WWOX: variants seen among roughly 807,000 people sequenced by gnomAD.
WWOX encodes WW domain containing oxidoreductase.
A neutral mutation model predicts 46.2 loss-of-function variants in WWOX; 69 were observed. That is an observed-to-expected ratio of 1.49 (90% confidence interval 1.23 to 1.82). WWOX has a LOEUF of 1.82. Ranked by LOEUF, WWOX falls within the 40% of genes most tolerant of loss-of-function variation. The probability of loss-of-function intolerance (pLI) is 0.00; values close to 1 mark genes in which losing one functional copy is unlikely to be tolerated. For missense variants in WWOX, 919 were observed against 542.6 expected, an observed-to-expected ratio of 1.69 and a Z score of -6.89; for synonymous variants, 359 against 202.6, an observed-to-expected ratio of 1.77 and a Z score of -6.56.
Position 78,343,370 on chromosome 16 carries a change from A to AT in WWOX, c.517-43485dup, listed in dbSNP as rs566250896. ...TTAAACGGTCAGTGCACAGGTCCTC[A>AT]TTTTTCTCATGCTTCCATTTCCATA... On this transcript the variant is annotated intron_variant, in intron 5 of 8. Transcript: ENST00000566780. 9.1e-5 allele frequency among the ~76,000 whole-genome samples: 11 copies of AT among 120,312 alleles called. 2 individuals carry two copies. In the South Asian group the frequency reaches 2.8e-3, roughly 30 times the overall value. 78.9% of individuals were successfully genotyped at this position (120,312 alleles called of 152,430 possible).
chr16:78,562,346 A>C (rs985385543), intron 8 of WWOX, among the ~76,000 whole-genome samples: 5 of 152,190 alleles, frequency 3.3e-5, no homozygotes, highest in Non-Finnish European at 5.9e-5. Context: ...TGAATTCCGC[A>C]GTGTTGTGTG....
chr16:78,728,866 A>T (rs2048896522), intron 8 of WWOX, among the ~76,000 whole-genome samples: 1 of 152,186 alleles, frequency 6.6e-6, no homozygotes, highest in African/African-American at 2.4e-5. Context: ...CCTCCTTGTT[A>T]CATGGAGGTC....
intron 5 of WWOX, among the ~76,000 whole-genome samples, chr16:78,382,972 T>G (rs1279858241): frequency 4.6e-5 from 7 of 151,640 alleles, no homozygotes; most frequent in Non-Finnish European, 1.0e-4. Flanking sequence ...CTTCCAATCA[T>G]GGCGAAGAGG....
rs762256792 is a variant in WWOX, at chr16:79,211,584, TTGTC to T, written c.1057-22_1057-19del. ...TCACTCCTTTTCTTAAAATTTTTTT[TTGTC>T]TTTCTTCTTGGATTTCCAGCAACAG... On this transcript the variant is annotated intron_variant, in intron 8 of 8. Coordinates refer to ENST00000566780, the MANE Select transcript of WWOX (RefSeq NM_016373.4). The T allele has an allele frequency of 1.2e-6, 2 of 1,613,974 alleles. No homozygotes were observed. The highest frequency in any genetic ancestry group is 2.2e-5 in the South Asian group (2 of 91,066).
intron 8 of WWOX, among the ~76,000 whole-genome samples, chr16:78,543,504 A>G (rs545543824): frequency 2.0e-5 from 3 of 152,208 alleles, no homozygotes; most frequent in Non-Finnish European, 4.4e-5. Flanking sequence ...GCTTCCACCC[A>G]TGCACCTTAC....
intron 5 of WWOX, among the ~76,000 whole-genome samples, chr16:78,368,235 AC>A (rs996887865): frequency 6.6e-6 from 1 of 152,216 alleles, no homozygotes; most frequent in African/African-American, 2.4e-5. Context: ...CCTTCAATTA[AC>A]ATGAGTGGAA....
rs144016504 is a variant in WWOX at position 78,745,222 on chromosome 16, T to A, written c.1056+312470T>A. Among the ~76,000 whole-genome samples the A allele has an allele frequency of 2.6e-5, 4 of 152,328 alleles. No homozygotes were observed. In the East Asian group the frequency reaches 7.7e-4, roughly 29 times the overall value. ...AGAACTCAGTATTAAGGCACTTGAT[T>A]AGTTCTTCCTGTTGGTGGACTGATT... is the stretch of plus-strand genomic sequence containing the variant. On this transcript the variant is annotated intron_variant, in intron 8 of 8. Coordinates refer to ENST00000566780, the MANE Select transcript of WWOX (RefSeq NM_016373.4).
At chr16:78,933,358 G>C (rs996278369) in intron 8 of WWOX, among the ~76,000 whole-genome samples, 1 of 152,166 alleles carries the variant, frequency 6.6e-6, no homozygotes, top group Admixed American at 6.5e-5. Flanking sequence ...AGAACTGCTC[G>C]AACCCAGGAG....
intron 8 of WWOX, among the ~76,000 whole-genome samples, chr16:78,544,220 C>A (rs1042432937): frequency 1.3e-5 from 2 of 152,206 alleles, no homozygotes; most frequent in African/African-American, 4.8e-5. Flanking sequence ...AGAACTGACA[C>A]TAATATTCTC....
intron 4 of WWOX, chr16:78,124,263 C>T (rs2033258990): frequency 6.6e-6 from 1 of 151,898 alleles, no homozygotes; most frequent in African/African-American, 2.4e-5. Context: ...GCTATTTCAC[C>T]AGAGTAAAGA....
intron 8 of WWOX, among the ~76,000 whole-genome samples, chr16:79,127,737 T>TA (rs2049789568): frequency 6.6e-6 from 1 of 151,116 alleles, no homozygotes; most frequent in African/African-American, 2.4e-5. Flanking sequence ...CTAAGCAACA[T>TA]ACGACAGTTA....
At chr16:78,430,579 C>T (rs2083193250) in intron 7 of WWOX, among the ~76,000 whole-genome samples, 1 of 152,134 alleles carries the variant, frequency 6.6e-6, no homozygotes, top group Admixed American at 6.5e-5. Flanking sequence ...GTCATCACGA[C>T]AACCAGAAGA....
intron 5 of WWOX, among the ~76,000 whole-genome samples, chr16:78,295,536 A>T (rs535505169): frequency 6.6e-6 from 1 of 152,240 alleles, no homozygotes; most frequent in Non-Finnish European, 1.5e-5. Flanking sequence ...ACATGGTGAA[A>T]CCCTGTCTCT....
Position 78,499,458 on chromosome 16 carries a change from C to G in WWOX, c.1056+66706C>G, listed in dbSNP as rs567604940. On this transcript the variant is annotated intron_variant, in intron 8 of 8. Transcript: ENST00000566780. Reference sequence around the variant, plus strand: ...TCACTTTTTACCATAGCTAACCTTTCTAAGTGGTCAGGTGGGACTCATGGA... The same window carrying G: ...TCACTTTTTACCATAGCTAACCTTTGTAAGTGGTCAGGTGGGACTCATGGA... Among the ~76,000 whole-genome samples the G allele has an allele frequency of 1.4e-4, 22 of 152,334 alleles. No individual in the cohort carries two copies. The East Asian group carries it at 4.3e-3, about 29-fold the overall frequency.
At chr16:78,122,599 C>A (rs1430939905) in intron 4 of WWOX, among the ~76,000 whole-genome samples, 1 of 150,906 alleles carries the variant, frequency 6.6e-6, no homozygotes, top group East Asian at 1.9e-4. Flanking sequence ...TGTTATTTTA[C>A]ATTTTTTTTC....
intron 5 of WWOX, among the ~76,000 whole-genome samples, chr16:78,361,304 C>G (rs139824204): frequency 4.6e-4 from 70 of 152,296 alleles, no homozygotes; most frequent in African/African-American, 1.5e-3. Flanking sequence ...GTTGATCTGT[C>G]TCATCCCTGG....
intron 8 of WWOX, among the ~76,000 whole-genome samples, chr16:78,541,834 T>C (rs944628433): frequency 1.3e-5 from 2 of 151,990 alleles, no homozygotes; most frequent in African/African-American, 4.8e-5. Context: ...TTTTTACTGT[T>C]TCTGGTTTTC....
chr16:78,565,746 C>G (rs1177377167), intron 8 of WWOX, among the ~76,000 whole-genome samples: 1 of 152,176 alleles, frequency 6.6e-6, no homozygotes, highest in Non-Finnish European at 1.5e-5. Flanking sequence ...ATCCATAGAG[C>G]AGGGATAACA....
At chr16:78,870,460 A>G (rs1470268091) in intron 8 of WWOX, among the ~76,000 whole-genome samples, 23 of 151,992 alleles carry the variant, frequency 1.5e-4, no homozygotes, top group Admixed American at 6.6e-5. Flanking sequence ...AATTGATACA[A>G]TGTCTTGATT....
Sources: gnomAD v4.1 joint callset for allele counts (sites outside exome capture counted in the v4.1 genomes callset) on GRCh38, gnomAD v4.1.1 for gene constraint, MANE v1.5 for transcripts, NCBI Gene and HGNC (gene_info 2026-07-23, HGNC 2026-07-21) for gene names.